Variants in VAV1 observed in about 807,000 individuals in gnomAD.
VAV1 encodes proto-oncogene vav.
VAV1 carries 33 observed loss-of-function variants against 128.1 expected under a neutral mutation model. The ratio of observed to expected loss-of-function variants is 0.26; its 90% CI spans 0.20 to 0.34. The LOEUF (loss-of-function observed/expected upper bound fraction) is 0.34. Ranked by LOEUF, VAV1 falls within the 10% of genes least tolerant of loss-of-function variation. VAV1 has a pLI of 1.00. For synonymous variants in VAV1, 394 were observed against 409.8 expected, an observed-to-expected ratio of 0.96 and a Z score of 0.47; for missense variants, 715 against 1,093.7, an observed-to-expected ratio of 0.65 and a Z score of 4.88.
intron 22 of VAV1, among the ~76,000 whole-genome samples, chr19:6,844,072 T>C: frequency 1.1e-5 from 1 of 90,928 alleles, no homozygotes; most frequent in Non-Finnish European, 2.0e-5. Flanking sequence ...TCTTTTTTTT[T>C]TTTTTTTTTT....
Position 6,773,024 on chromosome 19 carries a change from C to A in VAV1, c.204+13C>A. 1 of 1,613,972 alleles carries A rather than the reference C, an allele frequency of 6.2e-7. No homozygotes were observed. The highest frequency in any genetic ancestry group is 8.5e-7 in the Non-Finnish European group (1 of 1,179,918). On this transcript the variant is annotated intron_variant, in intron 1 of 26. Coordinates refer to ENST00000602142, the MANE Select transcript of VAV1 (RefSeq NM_005428.4). ...CCAGATGTCCCAGGTGAGCCCTCCG[C>A]GGGCAGGTGTGCTGAGGGTTGGAGA...
chr19:6,790,843 T>C (rs1568286407), intron 1 of VAV1, among the ~76,000 whole-genome samples: 1 of 152,206 alleles, frequency 6.6e-6, no homozygotes, highest in East Asian at 1.9e-4. Context: ...TTGTCAGGTC[T>C]TTGCCATGGA....
In VAV1 at chr19:6,857,323, G is replaced by A; in HGVS notation, c.*216G>A. 1.7e-6 allele frequency: 1 copy of A among 583,484 alleles called. No individual in the cohort carries two copies. The highest frequency in any genetic ancestry group is 2.1e-5 in the South Asian group (1 of 48,620). The allele number at this position is 583,484 out of a possible 1,614,324, so 36.1% of individuals were successfully genotyped here. The stretch of plus-strand genomic sequence containing the variant: ...TCTTGGGTCCCCTCAAGCAGACGGG[G>A]CTCAAGGGGGTTACATTTAATAAAA... On this transcript the variant is annotated 3_prime_UTR_variant, in exon 27 of 27. Coordinates refer to ENST00000602142, the MANE Select transcript of VAV1 (RefSeq NM_005428.4).
intron 18 of VAV1, 54 bp from the exon 19 acceptor site, chr19:6,833,854 A>G (rs1426168799): frequency 2.5e-6 from 4 of 1,612,988 alleles, no homozygotes; most frequent in South Asian, 1.1e-5. Flanking sequence ...AAGGGGGCCT[A>G]CAAGCCCCCA....
intron 1 of VAV1, among the ~76,000 whole-genome samples, chr19:6,806,071 G>C (rs1971390307): frequency 6.6e-6 from 1 of 151,978 alleles, no homozygotes; most frequent in African/African-American, 2.4e-5. Flanking sequence ...AATGCAGCCT[G>C]CCACCTGTTT....
intron 22 of VAV1, among the ~76,000 whole-genome samples, chr19:6,845,323 T>C (rs112414628): frequency 0.02 from 3,076 of 152,118 alleles, 49 homozygotes; most frequent in Non-Finnish European, 0.032. Flanking sequence ...AGGCGGAGGT[T>C]GCAGTGAGCC....
At chr19:6,838,426 TCCA>T (rs1181438858) in intron 21 of VAV1, among the ~76,000 whole-genome samples, 6 of 150,850 alleles carry the variant, frequency 4.0e-5, no homozygotes, top group Non-Finnish European at 8.8e-5. Flanking sequence ...CATCCATCCA[TCCA>T]TCCATCCATC....
At chr19:6,816,474 G>A (rs369739561) in intron 1 of VAV1, 1 of 141,660 alleles carries the variant, frequency 7.1e-6, no homozygotes, top group Non-Finnish European at 1.5e-5. Flanking sequence ...ACAACAGAGT[G>A]AGAGCATCTC....
chr19:6,842,763 G>A (rs115497776), intron 21 of VAV1, among the ~76,000 whole-genome samples: 3,204 of 152,216 alleles, frequency 0.021, 105 homozygotes, highest in African/African-American at 0.071. Context: ...GAACCTGGGA[G>A]ATCGAGGCTG....
intron 22 of VAV1, among the ~76,000 whole-genome samples, chr19:6,846,501 T>C (rs554389226): frequency 1.3e-5 from 2 of 151,280 alleles, no homozygotes; most frequent in South Asian, 4.2e-4. Context: ...GGCAGGAGAA[T>C]TGCTTGAACC....
intron 21 of VAV1, among the ~76,000 whole-genome samples, chr19:6,838,093 G>GTCTGTCTA (rs1304720300): frequency 9.9e-6 from 1 of 101,306 alleles, no homozygotes; most frequent in Non-Finnish European, 2.3e-5. Context: ...CTGTCTGTCT[G>GTCTGTCTA]TCTGTCTATC....
At chr19:6,827,015 C>T (rs568821811) in intron 9 of VAV1, 70 of 355,350 alleles carry the variant, frequency 2.0e-4, no homozygotes, top group Admixed American at 3.1e-4. Flanking sequence ...TACCCCAAGT[C>T]GGGCTGAGCT....
At chr19:6,814,955 C>A (rs981891490) in intron 1 of VAV1, among the ~76,000 whole-genome samples, 6 of 151,368 alleles carry the variant, frequency 4.0e-5, no homozygotes, top group African/African-American at 1.5e-4. Context: ...ATTTTTTTCC[C>A]CCTCTTTCTT....
rs560812531 is a variant in VAV1 at position 6,777,158 on chromosome 19, C to T, written c.204+4147C>T. Among the ~76,000 whole-genome samples the T allele has an allele frequency of 3.3e-5, 5 of 152,062 alleles. No individual in the cohort carries two copies. Among genetic ancestry groups the T allele is most frequent in the African/African-American group, 1.2e-4 (5 of 41,490 alleles). Reference sequence around the variant, plus strand: ...CACCCATCCCATCCATCCATCCACTCATCCACCCGTCTACTCATCTATCCA... The same window carrying T: ...CACCCATCCCATCCATCCATCCACTTATCCACCCGTCTACTCATCTATCCA... On this transcript the variant is annotated intron_variant, in intron 1 of 26. Transcript: ENST00000602142. This position sits in a 1 kb window ranked among gnomAD's most constrained non-coding sequence, Gnocchi z 4.4.
chr19:6,850,709 A>T lies in VAV1; in HGVS notation c.2169A>T (p.Ala723=), dbSNP rs1318002742. ...TCAAGCACATTAAAATCATGACAGCAGAAGGACTGTACCGGATCACAGAGA... is the reference window on the plus strand; with the variant it reads ...TCAAGCACATTAAAATCATGACAGCTGAAGGACTGTACCGGATCACAGAGA... ...VEVKHIKIMT[A]EGLYRITEKK... Residue 723 remains alanine, a synonymous_variant, in exon 24 of 27, where the codon GCA becomes GCT. Coordinates refer to ENST00000602142, the MANE Select transcript of VAV1 (RefSeq NM_005428.4). The T allele has an allele frequency of 6.2e-7, 1 of 1,614,008 alleles. No homozygotes were observed. Among genetic ancestry groups the T allele is most frequent in the South Asian group, 1.1e-5 (1 of 91,064 alleles).
chr19:6,786,308 C>T (rs1038686043), intron 1 of VAV1, among the ~76,000 whole-genome samples: 4 of 152,022 alleles, frequency 2.6e-5, no homozygotes, highest in African/African-American at 9.7e-5. Flanking sequence ...CAAGCTGCCT[C>T]GTGTTTTAAA....
At chr19:6,788,103 A>G (rs1568285115) in intron 1 of VAV1, among the ~76,000 whole-genome samples, 1 of 151,848 alleles carries the variant, frequency 6.6e-6, no homozygotes, top group Non-Finnish European at 1.5e-5. Flanking sequence ...ACAAAAAAAC[A>G]TTAAAACATT....
chr19:6,773,700 G>A (rs557201864), intron 1 of VAV1, among the ~76,000 whole-genome samples: 1 of 152,326 alleles, frequency 6.6e-6, no homozygotes, highest in South Asian at 2.1e-4. Flanking sequence ...TTCTGCAGGG[G>A]CCCAGGCTGG....
rs1169076080 is a variant in VAV1, at chr19:6,814,637, C to CTCCTTCCTTCCTTCCTTCCTTCCT, written c.205-6051_205-6028dup. 2.3e-4 allele frequency among the ~76,000 whole-genome samples: 19 copies of CTCCTTCCTTCCTTCCTTCCTTCCT among 82,070 alleles called. 1 individual carries two copies. Among genetic ancestry groups the CTCCTTCCTTCCTTCCTTCCTTCCT allele is most frequent in the African/African-American group, 7.8e-4 (12 of 15,396 alleles). 53.8% of individuals were successfully genotyped at this position (82,070 alleles called of 152,430 possible). A position where few individuals can be genotyped will look rare whatever the true frequency, so the allele number is the denominator to read the frequency against. The stretch of plus-strand genomic sequence containing the variant: ...TTCTTTCTTTCTTTCTTTTCTTTCT[C>CTCCTTCCTTCCTTCCTTCCTTCCT]TCCTTCCTTCCTTCCTTCCTTCCTT... On this transcript the variant is annotated intron_variant, in intron 1 of 26. Coordinates refer to ENST00000602142, the MANE Select transcript of VAV1 (RefSeq NM_005428.4).
Sources: gnomAD v4.1 joint callset for allele counts (sites outside exome capture counted in the v4.1 genomes callset) on GRCh38, gnomAD v4.1.1 for gene constraint, Gnocchi (gnomAD v3.1) non-coding constraint, MANE v1.5 for transcripts, NCBI Gene and HGNC (gene_info 2026-07-23, HGNC 2026-07-21) for gene names.